ZNF221: variants seen among roughly 807,000 people sequenced by gnomAD.
The protein encoded by ZNF221 is zinc finger protein 221.
ZNF221 carries 10 observed loss-of-function variants against 12.6 expected under a neutral mutation model. The observed-to-expected ratio is 0.79, with a 90% CI of 0.49 to 1.34. The LOEUF (loss-of-function observed/expected upper bound fraction) is 1.34. Among genes scored for constraint, ZNF221 ranks in the 40% most tolerant of loss-of-function variants. The pLI, the probability that ZNF221 is intolerant of heterozygous loss-of-function variation, is 0.00. For missense variants in ZNF221, 661 were observed against 721.4 expected (o/e 0.92, Z 0.96); for synonymous variants, 232 against 244.0 (o/e 0.95, Z 0.46).
the ZNF221 span, among the ~76,000 whole-genome samples, chr19:43,975,326 G>T: frequency 1.3e-5 from 2 of 152,128 alleles, no homozygotes; most frequent in East Asian, 3.9e-4. Context: ...ACTGGATAAA[G>T]AAAATGTCAT....
At chr19:43,979,437 ATAT>A in the ZNF221 span, among the ~76,000 whole-genome samples, 17,060 of 151,474 alleles carry the variant, frequency 0.11, 1,039 homozygotes, top group East Asian at 0.14. Flanking sequence ...ATATATATAT[ATAT>A]ATATGGAAGG....
downstream of ZNF221, among the ~76,000 whole-genome samples, chr19:43,968,612 C>T (rs1975028674): frequency 6.6e-6 from 1 of 152,188 alleles, no homozygotes; most frequent in African/African-American, 2.4e-5. Flanking sequence ...TTAGAAGCAG[C>T]TATGGTTCAT....
In ZNF221 at chr19:43,966,120, C is replaced by G. The variant is rs1306828278; in HGVS notation, c.618C>G (p.Ser206Arg). Residue 206 changes from serine to arginine, a missense_variant, in exon 5 of 5, where the codon AGC becomes AGG. Ser to Arg is a moderately radical substitution (Grantham distance 110, BLOSUM62 -1). Transcript: ENST00000587682. Reference protein sequence around the residue: ...KSHTCGECGKSFCYSPALHIH... With the variant: ...KSHTCGECGKRFCYSPALHIH... ...ATACATGTGGTGAGTGTGGAAAAAG[C>G]TTCTGTTACAGCCCAGCCCTTCATA... 6.2e-7 allele frequency: 1 copy of G among 1,614,204 alleles called. No individual in the cohort carries two copies.
the ZNF221 span, among the ~76,000 whole-genome samples, chr19:43,980,535 A>T: frequency 6.6e-6 from 1 of 152,202 alleles, no homozygotes; most frequent in Non-Finnish European, 1.5e-5. Context: ...TATTTTGATG[A>T]TTGGGCCTGG....
intron 2 of ZNF221, among the ~76,000 whole-genome samples, chr19:43,963,117 T>G (rs1974875357): frequency 6.6e-6 from 1 of 152,224 alleles, no homozygotes; most frequent in Admixed American, 6.5e-5. Flanking sequence ...AACTGTATTT[T>G]TATTGATGAC....
Position 43,952,751 on chromosome 19 carries a change from T to C in ZNF221, c.-3+1351T>C, listed in dbSNP as rs574741499. Among the ~76,000 whole-genome samples the C allele has an allele frequency of 2.6e-5, 4 of 152,296 alleles. No individual in the cohort carries two copies. In the South Asian group the frequency reaches 8.3e-4, roughly 32 times the overall value. Reference sequence around the variant, plus strand: ...AGTTAGGACTTGATTGGAGGGACCTTGAGAGCAAGGCTCATGGGCTTGGAC... The same window carrying C: ...AGTTAGGACTTGATTGGAGGGACCTCGAGAGCAAGGCTCATGGGCTTGGAC... On this transcript the variant is annotated intron_variant, in intron 1 of 4. Transcript: ENST00000587682.
At position 43,957,579 on chromosome 19, in the gene ZNF221, A is replaced by G. The variant is rs553809435; in HGVS notation, c.-2-5146A>G. On this transcript the variant is annotated intron_variant, in intron 1 of 4. Transcript: ENST00000587682. The stretch of plus-strand genomic sequence containing the variant: ...TTTTCACCCTGTTGGAATGAGTCCC[A>G]TGACTCTCTCTCTTTCTTCTTAGTT... Among the ~76,000 whole-genome samples the G allele has an allele frequency of 5.3e-5, 8 of 152,342 alleles. No individual in the cohort carries two copies. In the South Asian group the frequency reaches 1.4e-3, roughly 28 times the overall value.
the ZNF221 span, among the ~76,000 whole-genome samples, chr19:43,973,356 C>T: frequency 2.0e-5 from 3 of 151,924 alleles, no homozygotes; most frequent in African/African-American, 7.2e-5. Context: ...GGACCAGCCC[C>T]CCGCCCTTTC....
chr19:43,969,549 G>A (rs1179360543), downstream of ZNF221, among the ~76,000 whole-genome samples: 6 of 151,654 alleles, frequency 4.0e-5, no homozygotes, highest in East Asian at 5.8e-4. Context: ...GGGTTTCACC[G>A]TGTTGGCCAG....
At position 43,966,030 on chromosome 19, in the gene ZNF221, A is replaced by G; in HGVS notation, c.528A>G (p.Lys176=). ...QQKPYRCNEC[K]QSFSDVSVFD... Reference sequence around the variant, plus strand: ...AACCTTACCGTTGTAATGAATGTAAACAGTCCTTCAGTGATGTTTCTGTCT... The same window carrying G: ...AACCTTACCGTTGTAATGAATGTAAGCAGTCCTTCAGTGATGTTTCTGTCT... The change falls in exon 5 of 5, where the codon AAA becomes AAG. Residue 176 remains lysine (K), a synonymous_variant. Transcript: ENST00000587682. 6.2e-7 allele frequency: 1 copy of G among 1,614,240 alleles called. No homozygotes were observed. Among genetic ancestry groups the G allele is most frequent in the Non-Finnish European group, 8.5e-7 (1 of 1,180,032 alleles).
At chr19:43,971,125 G>T (rs1248787033), downstream of ZNF221, among the ~76,000 whole-genome samples, 2 of 152,032 alleles carry the variant, frequency 1.3e-5, no homozygotes, top group Non-Finnish European at 1.5e-5. Context: ...CATTCTTAAA[G>T]AATTCTTTGC....
chr19:43,979,685 G>A, the ZNF221 span, among the ~76,000 whole-genome samples: 35 of 152,180 alleles, frequency 2.3e-4, no homozygotes, highest in East Asian at 3.5e-3. Context: ...GTCCCACAGT[G>A]GCATAAGAAA....
At chr19:43,959,180 A>G (rs565054015) in intron 1 of ZNF221, among the ~76,000 whole-genome samples, 8 of 152,368 alleles carry the variant, frequency 5.3e-5, no homozygotes, top group East Asian at 1.9e-4. Context: ...CCAGTTGAGT[A>G]AAGATTCCTT....
At chr19:43,970,007 T>G (rs1975062578), downstream of ZNF221, among the ~76,000 whole-genome samples, 1 of 152,190 alleles carries the variant, frequency 6.6e-6, no homozygotes. Context: ...TACAGGAGTC[T>G]TCAGGCCAGA....
rs5828186 is a variant in ZNF221, at chr19:43,954,083, CAAAAAAAAAA to C, written c.-3+2696_-3+2705del. Among the ~76,000 whole-genome samples, 22 of 86,676 alleles carry C rather than the reference CAAAAAAAAAA, an allele frequency of 2.5e-4. No individual in the cohort carries two copies. In the South Asian group the frequency reaches 8.6e-3, roughly 34 times the overall value. The allele number at this position is 86,676 out of a possible 152,430, so 56.9% of individuals were successfully genotyped here. ...GGCGAGACAGAGTGAGACTCCGTCT[CAAAAAAAAAA>C]AAAAAAAAAAAAGGATATGCAACTC... is the stretch of plus-strand genomic sequence containing the variant. On this transcript the variant is annotated intron_variant, in intron 1 of 4. Coordinates refer to ENST00000587682, the MANE Select transcript of ZNF221 (RefSeq NM_001297588.2).
At chr19:43,960,887 C>T (rs1974831484) in intron 1 of ZNF221, among the ~76,000 whole-genome samples, 1 of 152,194 alleles carries the variant, frequency 6.6e-6, no homozygotes, top group Non-Finnish European at 1.5e-5. Flanking sequence ...AGTGGGGGAG[C>T]CCCAACAGAG....
At chr19:43,968,714 A>G (rs778659515), downstream of ZNF221, among the ~76,000 whole-genome samples, 5 of 152,228 alleles carry the variant, frequency 3.3e-5, no homozygotes, top group African/African-American at 4.8e-5. Context: ...CTAGGCAATC[A>G]ATTCAACCCA....
rs774568677 is a variant in ZNF221 at position 43,966,899 on chromosome 19, A to C, written c.1397A>C (p.Glu466Ala). 1.1e-5 allele frequency: 18 copies of C among 1,614,236 alleles called. No homozygotes were observed. The highest frequency in any genetic ancestry group is 1.4e-5 in the Non-Finnish European group (17 of 1,180,044). The change falls in exon 5 of 5, where the codon GAG becomes GCG. Residue 466 changes from glutamate (E) to alanine (A), a missense_variant. By Grantham distance (107) the Glu-to-Ala change is moderately radical (BLOSUM62 -1). Coordinates refer to ENST00000587682, the MANE Select transcript of ZNF221 (RefSeq NM_001297588.2). ...GACTATAAAAGGAGGTTGGATCTTG[A>C]GTTTCACCAGAGGGTCCACACGGGT... ...GKDYKRRLDL[E>A]FHQRVHTGER...
At chr19:43,954,083 CAAAA>C (rs5828186) in intron 1 of ZNF221, among the ~76,000 whole-genome samples, 2 of 86,678 alleles carry the variant, frequency 2.3e-5, no homozygotes. Flanking sequence ...GACTCCGTCT[CAAAA>C]AAAAAAAAAA....
Sources: gnomAD v4.1 joint callset for allele counts (sites outside exome capture counted in the v4.1 genomes callset) on GRCh38, gnomAD v4.1.1 for gene constraint, MANE v1.5 for transcripts, NCBI Gene and HGNC (gene_info 2026-07-23, HGNC 2026-07-21) for gene names.